Variants in TECRL observed in about 807,000 individuals in gnomAD.
TECRL encodes the protein trans-2,3-enoyl-CoA reductase-like.
Under a neutral mutation model 52.8 loss-of-function variants are expected in TECRL, and 63 were observed. The ratio of observed to expected loss-of-function variants is 1.19; its 90% CI spans 0.97 to 1.47. The LOEUF is 1.47. Ranked by LOEUF, TECRL falls within the 40% of genes most tolerant of loss-of-function variation. The pLI is 0.00. For synonymous variants in TECRL, 164 were observed against 141.9 expected (o/e 1.16, Z -1.10); for missense variants, 482 against 429.6 (o/e 1.12, Z -1.08).
chr4:64,310,452 T>C (rs1277317720), intron 5 of TECRL, among the ~76,000 whole-genome samples: 3 of 152,194 alleles, frequency 2.0e-5, no homozygotes, highest in African/African-American at 7.2e-5. Context: ...TTTGTTTTGT[T>C]TGTTTTTTCC....
chr4:64,342,835 C>T (rs1244423778), intron 2 of TECRL, among the ~76,000 whole-genome samples: 1 of 152,010 alleles, frequency 6.6e-6, no homozygotes, highest in Non-Finnish European at 1.5e-5. Context: ...AACTTTTGGT[C>T]TTTTGTATAG....
intron 2 of TECRL, among the ~76,000 whole-genome samples, chr4:64,349,135 GT>G (rs773341193): frequency 0.2 from 6,153 of 30,746 alleles, 438 homozygotes; most frequent in African/African-American, 0.33. Flanking sequence ...TATAAAAAAC[GT>G]TTTTTTTTTT....
intron 2 of TECRL, among the ~76,000 whole-genome samples, chr4:64,353,507 G>A (rs1275076814): frequency 6.6e-6 from 1 of 152,082 alleles, no homozygotes; most frequent in Non-Finnish European, 1.5e-5. Context: ...GTGGATAATT[G>A]GATATAGAAT....
At chr4:64,315,946 A>T (rs557444180) in intron 4 of TECRL, among the ~76,000 whole-genome samples, 1 of 152,192 alleles carries the variant, frequency 6.6e-6, no homozygotes, top group Non-Finnish European at 1.5e-5. Flanking sequence ...AAGTCAATAT[A>T]AAAAGCAATC....
At chr4:64,387,457 A>T (rs189623606) in intron 1 of TECRL, among the ~76,000 whole-genome samples, 1 of 152,106 alleles carries the variant, frequency 6.6e-6, no homozygotes, top group Non-Finnish European at 1.5e-5. Flanking sequence ...GTATGGTAAG[A>T]ATATATTTAG....
At chr4:64,289,964 A>C (rs149274209) in intron 8 of TECRL, among the ~76,000 whole-genome samples, 197 bp from the exon 9 acceptor site, 2 of 152,166 alleles carry the variant, frequency 1.3e-5, no homozygotes, top group Non-Finnish European at 2.9e-5. Context: ...ATATTGAATA[A>C]AAAGTCACAA....
At chr4:64,385,773 G>T (rs1723139008) in intron 1 of TECRL, among the ~76,000 whole-genome samples, 1 of 152,104 alleles carries the variant, frequency 6.6e-6, no homozygotes, top group South Asian at 2.1e-4. Flanking sequence ...TCATCGTGTG[G>T]ACTCCAGGCA....
At chr4:64,342,683 A>C (rs1318619305) in intron 2 of TECRL, among the ~76,000 whole-genome samples, 1 of 152,136 alleles carries the variant, frequency 6.6e-6, no homozygotes, top group Admixed American at 6.6e-5. Flanking sequence ...AACAATAAAA[A>C]CAAAAATAAA....
chr4:64,381,045 C>A (rs1456275689), intron 1 of TECRL, among the ~76,000 whole-genome samples: 1 of 152,000 alleles, frequency 6.6e-6, no homozygotes, highest in African/African-American at 2.4e-5. Flanking sequence ...AGATGTCTTT[C>A]CATTTGTTTG....
chr4:64,321,471 G>T (rs867923972), intron 4 of TECRL, among the ~76,000 whole-genome samples: 1 of 151,998 alleles, frequency 6.6e-6, no homozygotes, highest in African/African-American at 2.4e-5. Flanking sequence ...TAAATGCAAA[G>T]AAAAACTTTC....
Position 64,296,972 on chromosome 4 carries a change from T to C in TECRL, c.774+3002A>G, listed in dbSNP as rs186022148. ...GAACATATCTGAGGATCAAATTGTGTTGAAAGTTAGAAAGAATTTAAACCA... is the reference window on the plus strand; with the variant it reads ...GAACATATCTGAGGATCAAATTGTGCTGAAAGTTAGAAAGAATTTAAACCA... On this transcript the variant is annotated intron_variant, in intron 8 of 11. Coordinates refer to ENST00000381210, the MANE Select transcript of TECRL (RefSeq NM_001010874.5). 1.4e-3 allele frequency among the ~76,000 whole-genome samples: 206 copies of C among 151,672 alleles called. 1 individual carries two copies. The highest frequency in any genetic ancestry group is 4.8e-3 in the African/African-American group (200 of 41,524).
At chr4:64,328,740 A>C (rs1718429019) in intron 2 of TECRL, among the ~76,000 whole-genome samples, 184 bp from the exon 3 acceptor site, 1 of 151,938 alleles carries the variant, frequency 6.6e-6, no homozygotes, top group Admixed American at 6.6e-5. Flanking sequence ...ATAGTGACTG[A>C]GAGAAAGCAT....
chr4:64,401,537 C>G (rs1724361641), intron 1 of TECRL, among the ~76,000 whole-genome samples: 1 of 152,148 alleles, frequency 6.6e-6, no homozygotes, highest in Non-Finnish European at 1.5e-5. Context: ...CCCTAGACTT[C>G]TCAGTATAAT....
intron 2 of TECRL, among the ~76,000 whole-genome samples, chr4:64,347,083 T>C (rs1720042956): frequency 6.6e-6 from 1 of 152,150 alleles, no homozygotes; most frequent in African/African-American, 2.4e-5. Flanking sequence ...GCCATATAAA[T>C]GCACGGATCT....
intron 1 of TECRL, among the ~76,000 whole-genome samples, chr4:64,376,647 C>A (rs1007632254): frequency 1.3e-5 from 2 of 151,828 alleles, no homozygotes; most frequent in African/African-American, 4.8e-5. Flanking sequence ...ACGTGATATT[C>A]CCCAGAGTAA....
chr4:64,402,954 CA>C (rs1189961396), intron 1 of TECRL, among the ~76,000 whole-genome samples: 1 of 152,016 alleles, frequency 6.6e-6, no homozygotes, highest in Non-Finnish European at 1.5e-5. Flanking sequence ...AATATCACAC[CA>C]TTTAATATAA....
At chr4:64,362,969 C>T (rs552599169) in intron 2 of TECRL, among the ~76,000 whole-genome samples, 3 of 149,892 alleles carry the variant, frequency 2.0e-5, no homozygotes, top group Admixed American at 6.7e-5. Flanking sequence ...AAAAGATAGT[C>T]ATAGGATTAA....
At chr4:64,315,448 C>T (rs901666759) in intron 4 of TECRL, among the ~76,000 whole-genome samples, 3 of 151,982 alleles carry the variant, frequency 2.0e-5, no homozygotes, top group African/African-American at 7.2e-5. Context: ...AATTTGATAG[C>T]TGTTTGATTT....
intron 6 of TECRL, among the ~76,000 whole-genome samples, chr4:64,308,669 G>A (rs1724492289): frequency 6.6e-6 from 1 of 152,162 alleles, no homozygotes; most frequent in Non-Finnish European, 1.5e-5. Flanking sequence ...GTGGCCATGT[G>A]TCTTAATTCT....
Sources: gnomAD v4.1 joint callset for allele counts (sites outside exome capture counted in the v4.1 genomes callset) on GRCh38, gnomAD v4.1.1 for gene constraint, MANE v1.5 for transcripts, NCBI Gene and HGNC (gene_info 2026-07-23, HGNC 2026-07-21) for gene names.